The following ZFPM1 variants were observed in gnomAD, a reference collection of about 807,000 sequenced individuals.
ZFPM1 encodes the protein zinc finger protein ZFPM1.
Under a neutral mutation model 46.3 loss-of-function variants are expected in ZFPM1, and 28 were observed. The observed-to-expected ratio is 0.60, with a 90% CI of 0.45 to 0.83. ZFPM1 has a LOEUF of 0.83. Ranked by LOEUF, ZFPM1 falls within the 40% of genes least tolerant of loss-of-function variation. The pLI, the probability that ZFPM1 is intolerant of heterozygous loss-of-function variation, is 0.00. For synonymous variants in ZFPM1, 957 were observed against 675.9 expected, an observed-to-expected ratio of 1.42 and a Z score of -6.45; for missense variants, 1,878 against 1,432.4, an observed-to-expected ratio of 1.31 and a Z score of -5.02.
chr16:88,509,397 A>G (rs1039404831), intron 3 of ZFPM1, among the ~76,000 whole-genome samples: 1 of 152,228 alleles, frequency 6.6e-6, no homozygotes, highest in Non-Finnish European at 1.5e-5. Flanking sequence ...CCAACCACAG[A>G]GCCCACCATC....
intron 7 of ZFPM1, 114 bp from the exon 8 acceptor site, chr16:88,532,500 C>T: frequency 1.8e-6 from 2 of 1,141,636 alleles, no homozygotes; most frequent in Non-Finnish European, 2.5e-6. Context: ...AAAGACCCTT[C>T]AGCACAGGGT....
At chr16:88,475,117 G>A (rs1053306361) in intron 1 of ZFPM1, among the ~76,000 whole-genome samples, 1 of 152,252 alleles carries the variant, frequency 6.6e-6, no homozygotes, top group African/African-American at 2.4e-5. Flanking sequence ...CATTCGTGTT[G>A]ATGGGGATCT....
intron 3 of ZFPM1, chr16:88,513,088 C>G (rs900990909): frequency 6.6e-6 from 1 of 152,268 alleles, no homozygotes; most frequent in Non-Finnish European, 1.5e-5. Flanking sequence ...TGGTCACCCT[C>G]TTGGTGCCAA....
intron 1 of ZFPM1, 125 bp from the exon 2 acceptor site, chr16:88,485,814 C>A (rs192642330): frequency 1.7e-4 from 137 of 802,602 alleles, no homozygotes; most frequent in Non-Finnish European, 2.0e-4. Flanking sequence ...TGAGGGATGA[C>A]CCTCACCCCC....
chr16:88,514,234 G>A (rs1911145022), intron 3 of ZFPM1, among the ~76,000 whole-genome samples, 153 bp from the exon 4 acceptor site: 1 of 152,168 alleles, frequency 6.6e-6, no homozygotes, highest in African/African-American at 2.4e-5. Flanking sequence ...GGCTGCCCAG[G>A]CCCCTGGGAC....
rs1405084498 is a variant in ZFPM1 at position 88,533,947 on chromosome 16, C to T, written c.1989C>T (p.Ser663=). The T allele has an allele frequency of 5.5e-6, 7 of 1,278,792 alleles. No individual in the cohort carries two copies. The highest frequency in any genetic ancestry group is 5.6e-5 in the East Asian group (1 of 17,762). The allele number at this position is 1,278,792 out of a possible 1,614,324, so 79.2% of individuals were successfully genotyped here. ...AGGACGGCGCGGGCGGCCGGGGCAGCGAGGGCAGCCAGAGCCCGGGTAGCT... is the reference window on the plus strand; with the variant it reads ...AGGACGGCGCGGGCGGCCGGGGCAGTGAGGGCAGCCAGAGCCCGGGTAGCT... ...TPEDGAGGRG[S]EGSQSPGSSV... The change falls in exon 10 of 10, where the codon AGC becomes AGT. Residue 663 remains serine (S), a synonymous_variant. Transcript: ENST00000319555.
At chr16:88,522,913 C>T (rs1026219943) in intron 4 of ZFPM1, among the ~76,000 whole-genome samples, 1 of 152,154 alleles carries the variant, frequency 6.6e-6, no homozygotes, top group South Asian at 2.1e-4. Flanking sequence ...TAAAAATAGG[C>T]CCCCTCCCAA....
At chr16:88,466,241 G>A (rs979302768) in intron 1 of ZFPM1, among the ~76,000 whole-genome samples, 23 of 152,214 alleles carry the variant, frequency 1.5e-4, no homozygotes, top group Admixed American at 4.6e-4. Context: ...GATGGCGGCC[G>A]TGGTTAGACA....
rs1270212177 is a variant in ZFPM1, at chr16:88,471,821, C to T, written c.41-14118C>T. 6.6e-6 allele frequency among the ~76,000 whole-genome samples: 1 copy of T among 152,262 alleles called. No homozygotes were observed. Among genetic ancestry groups the T allele is most frequent in the Non-Finnish European group, 1.5e-5 (1 of 68,038 alleles). On this transcript the variant is annotated intron_variant, in intron 1 of 9. Coordinates refer to ENST00000319555, the MANE Select transcript of ZFPM1 (RefSeq NM_153813.3). This position sits in a 1 kb window ranked among gnomAD's most constrained non-coding sequence, Gnocchi z 4.1. The stretch of plus-strand genomic sequence containing the variant: ...GGCTGTGTGTCCATCTCTGTGAAAT[C>T]GGGGCGAGGCCCCCGCGGGCTGGGA...
chr16:88,533,089 C>T (rs1249181755), intron 9 of ZFPM1, 59 bp from the exon 10 acceptor site: 5 of 1,468,860 alleles, frequency 3.4e-6, no homozygotes, highest in Non-Finnish European at 4.5e-6. Context: ...CGCCCTCCAG[C>T]TCTGACCGGC....
intron 3 of ZFPM1, among the ~76,000 whole-genome samples, chr16:88,502,501 G>T (rs1477542279): frequency 1.3e-5 from 2 of 152,176 alleles, no homozygotes; most frequent in African/African-American, 2.4e-5. Context: ...TTGGCCCCAG[G>T]TTCCCATCTG....
intron 4 of ZFPM1, among the ~76,000 whole-genome samples, chr16:88,519,405 G>A (rs1250376335): frequency 6.7e-6 from 1 of 148,356 alleles, no homozygotes; most frequent in African/African-American, 2.5e-5. Context: ...AAGTGAGTGG[G>A]TGAATGGGTG....
In ZFPM1 at chr16:88,471,255, G is replaced by A. The variant is rs1908405455; in HGVS notation, c.41-14684G>A. On this transcript the variant is annotated intron_variant, in intron 1 of 9. Transcript: ENST00000319555. This position sits in a 1 kb window ranked among gnomAD's most constrained non-coding sequence, Gnocchi z 4.1. ...GCTCCCAACCAGCTGACCCTCCAGGGCTGCAGCCATGTGTGACCTCCACCC... is the reference window on the plus strand; with the variant it reads ...GCTCCCAACCAGCTGACCCTCCAGGACTGCAGCCATGTGTGACCTCCACCC... 6.6e-6 allele frequency among the ~76,000 whole-genome samples: 1 copy of A among 152,246 alleles called. No homozygotes were observed. The highest frequency in any genetic ancestry group is 2.1e-4 in the South Asian group (1 of 4,834).
chr16:88,493,015 G>A (rs553606545), intron 3 of ZFPM1, among the ~76,000 whole-genome samples: 2 of 151,838 alleles, frequency 1.3e-5, no homozygotes, highest in African/African-American at 4.8e-5. Flanking sequence ...AGCTGTCCCG[G>A]GGTATGGAGA....
At chr16:88,490,567 C>T (rs974026657) in intron 3 of ZFPM1, among the ~76,000 whole-genome samples, 8 of 152,176 alleles carry the variant, frequency 5.3e-5, no homozygotes, top group African/African-American at 1.2e-4. Flanking sequence ...AAGGGGTCAG[C>T]GAGGTCCCAG....
intron 4 of ZFPM1, among the ~76,000 whole-genome samples, chr16:88,523,323 G>C (rs1300931453): frequency 6.6e-6 from 1 of 152,206 alleles, no homozygotes; most frequent in Non-Finnish European, 1.5e-5. Context: ...GCTGATCAGA[G>C]GTGGGGAAAC....
chr16:88,489,789 C>T (rs933005518), intron 3 of ZFPM1, among the ~76,000 whole-genome samples: 1 of 152,240 alleles, frequency 6.6e-6, no homozygotes. Flanking sequence ...CTGTGAATTC[C>T]ATTCATTTAT....
intron 3 of ZFPM1, among the ~76,000 whole-genome samples, chr16:88,498,087 G>T (rs151140242): frequency 5.4e-4 from 82 of 152,300 alleles, no homozygotes; most frequent in African/African-American, 1.9e-3. Flanking sequence ...GGGGGCCCTG[G>T]CGGATGGCAG....
Position 88,533,980 on chromosome 16 carries a change from C to T in ZFPM1, c.2022C>T (p.Asp674=). 3 of 1,339,452 alleles carry T rather than the reference C, an allele frequency of 2.2e-6. No individual in the cohort carries two copies. The highest frequency in any genetic ancestry group is 2.5e-5 in the South Asian group (2 of 79,190). 83.0% of individuals were successfully genotyped at this position (1,339,452 alleles called of 1,614,324 possible). Residue 674 remains aspartate (D), a synonymous_variant, in exon 10 of 10, where the codon GAC becomes GAT. Coordinates refer to ENST00000319555, the MANE Select transcript of ZFPM1 (RefSeq NM_153813.3). ...GCCAGAGCCCGGGTAGCTCCGTGGA[C>T]GACGCGGAGGACGACCCCAGCCGCA... ...EGSQSPGSSV[D]DAEDDPSRTL...
Sources: gnomAD v4.1 joint callset for allele counts (sites outside exome capture counted in the v4.1 genomes callset) on GRCh38, gnomAD v4.1.1 for gene constraint, Gnocchi (gnomAD v3.1) non-coding constraint, MANE v1.5 for transcripts, NCBI Gene and HGNC (gene_info 2026-07-23, HGNC 2026-07-21) for gene names.